Variants in TLE4 observed in about 807,000 individuals in gnomAD.
TLE4 encodes the protein transducin-like enhancer protein 4.
A neutral mutation model predicts 92.8 loss-of-function variants in TLE4; 8 were observed. The observed-to-expected ratio is 0.09, with a 90% CI of 0.05 to 0.16. The LOEUF (loss-of-function observed/expected upper bound fraction) is 0.16. Ranked by LOEUF, TLE4 falls within the 10% of genes least tolerant of loss-of-function variation. TLE4 has a pLI of 1.00. For missense variants in TLE4, 675 were observed against 997.6 expected (o/e 0.68, Z 4.36); for synonymous variants, 371 against 374.1 (o/e 0.99, Z 0.10).
rs71364488 is a variant in TLE4, at chr9:79,720,377, G to GGT, written c.1838+131_1838+132dup. ...CCAAAGTGCTGTGTATATAGGTATGGGTGTGTGTGTGTGTGTGTGTGTGTG... is the reference window on the plus strand; with the variant it reads ...CCAAAGTGCTGTGTATATAGGTATGGGTGTGTGTGTGTGTGTGTGTGTGTGTG... On this transcript the variant is annotated intron_variant, in intron 16 of 19. Transcript: ENST00000376552. 2.7e-3 allele frequency: 849 copies of GGT among 316,166 alleles called. 3 individuals are homozygous for GGT. Among genetic ancestry groups the GGT allele is most frequent in the South Asian group, 5.0e-3 (81 of 16,360 alleles). The allele number at this position is 316,166 out of a possible 1,614,324, so 19.6% of individuals were successfully genotyped here.
At chr9:79,631,039 C>G (rs1288727567) in intron 6 of TLE4, among the ~76,000 whole-genome samples, 1 of 152,046 alleles carries the variant, frequency 6.6e-6, no homozygotes, top group Non-Finnish European at 1.5e-5. Flanking sequence ...CCCAATAAAC[C>G]CTTAGGAAAC....
intron 8 of TLE4, chr9:79,671,180 T>C (rs111954930): frequency 4.5e-6 from 2 of 448,448 alleles, no homozygotes; most frequent in Middle Eastern, 3.3e-4. Flanking sequence ...CAACCTTGGC[T>C]GAGAATGTGA....
intron 4 of TLE4, among the ~76,000 whole-genome samples, chr9:79,607,663 G>T (rs1204967705): frequency 6.6e-6 from 1 of 152,090 alleles, no homozygotes; most frequent in African/African-American, 2.4e-5. Flanking sequence ...TGTCAGGTTT[G>T]TCAAAGGTCA....
chr9:79,719,381 G>A (rs942628915), intron 15 of TLE4, among the ~76,000 whole-genome samples: 1 of 151,738 alleles, frequency 6.6e-6, no homozygotes, highest in Non-Finnish European at 1.5e-5. Flanking sequence ...TTTCCCTTGA[G>A]TTCCTTAGGA....
chr9:79,674,848 A>G (rs1040589836), intron 8 of TLE4, among the ~76,000 whole-genome samples: 3 of 152,134 alleles, frequency 2.0e-5, no homozygotes, highest in Admixed American at 1.3e-4. Flanking sequence ...CTCCTCTTCT[A>G]CCAGTTCAGA....
intron 8 of TLE4, among the ~76,000 whole-genome samples, chr9:79,660,128 T>C (rs1386937479): frequency 6.6e-6 from 1 of 152,186 alleles, no homozygotes; most frequent in African/African-American, 2.4e-5. Flanking sequence ...CTGAAACATT[T>C]AGAATATGAG....
chr9:79,720,569 C>T (rs1167809342), intron 16 of TLE4, among the ~76,000 whole-genome samples: 4 of 152,052 alleles, frequency 2.6e-5, no homozygotes, highest in African/African-American at 7.2e-5. Flanking sequence ...TTGACTTATA[C>T]TAAAGCATCG....
At chr9:79,686,543 G>T (rs1226624190) in intron 8 of TLE4, among the ~76,000 whole-genome samples, 2 of 152,100 alleles carry the variant, frequency 1.3e-5, no homozygotes, top group African/African-American at 2.4e-5. Flanking sequence ...GTCCTTATAA[G>T]GAGAGAGAGG....
intron 8 of TLE4, among the ~76,000 whole-genome samples, chr9:79,659,691 A>G (rs1289162300): frequency 6.6e-6 from 1 of 152,024 alleles, no homozygotes; most frequent in Non-Finnish European, 1.5e-5. Flanking sequence ...GCAGATTAAG[A>G]CTCTTCCCCT....
chr9:79,634,505 C>T (rs79196253), intron 6 of TLE4, among the ~76,000 whole-genome samples: 1,856 of 152,168 alleles, frequency 0.012, 17 homozygotes, highest in Middle Eastern at 0.024. Context: ...TTTAATGAGA[C>T]GTAATCTGCA....
intron 8 of TLE4, among the ~76,000 whole-genome samples, chr9:79,695,307 T>C (rs1449020061): frequency 6.6e-6 from 1 of 151,452 alleles, no homozygotes; most frequent in Admixed American, 6.6e-5. Flanking sequence ...ATTACTATTT[T>C]TGAAGGCTGC....
rs781051074 is a variant in TLE4 at position 79,652,678 on chromosome 9, C to A, written c.476C>A (p.Ala159Asp). Residue 159 changes from alanine to aspartate, a missense_variant, in exon 7 of 20, where the codon GCC becomes GAC. This residue lies in a region of TLE4 where 280 missense variants were observed against 287.3 expected (regional missense o/e 0.97). Transcript: ENST00000376552. ...TPHPSGLQPP[A>D]IPPIGSSAGL... ...CACCCTTCAGGGCTCCAGCCCCCTG[C>A]CATTCCACCCATCGGTAGCAGTGCC... 9 of 1,614,210 alleles carry A rather than the reference C, an allele frequency of 5.6e-6. No homozygotes were observed. Among genetic ancestry groups the A allele is most frequent in the Non-Finnish European group, 6.8e-6 (8 of 1,180,028 alleles).
At chr9:79,698,428 G>T (rs1359363550) in intron 8 of TLE4, among the ~76,000 whole-genome samples, 1 of 152,202 alleles carries the variant, frequency 6.6e-6, no homozygotes, top group Non-Finnish European at 1.5e-5. Flanking sequence ...AAATGTTACA[G>T]AAGGTGAAAC....
intron 14 of TLE4, among the ~76,000 whole-genome samples, chr9:79,714,735 G>A (rs2074126249): frequency 6.6e-6 from 1 of 152,154 alleles, no homozygotes; most frequent in Admixed American, 6.5e-5. Context: ...GCAAGACCAG[G>A]TGCATTACCT....
intron 8 of TLE4, among the ~76,000 whole-genome samples, chr9:79,664,182 A>G (rs931941969): frequency 7.2e-5 from 11 of 152,176 alleles, no homozygotes; most frequent in Non-Finnish European, 1.3e-4. Flanking sequence ...GTGAAGGGAG[A>G]TTTATCCCGG....
intron 4 of TLE4, among the ~76,000 whole-genome samples, chr9:79,591,393 T>C (rs1306206553): frequency 6.6e-6 from 1 of 152,046 alleles, no homozygotes; most frequent in East Asian, 1.9e-4. Context: ...GTTTCCAGCT[T>C]TATTGAGTGG....
chr9:79,665,192 AACTG>A (rs1424584326), intron 8 of TLE4, among the ~76,000 whole-genome samples: 2 of 152,194 alleles, frequency 1.3e-5, no homozygotes, highest in African/African-American at 4.8e-5. Context: ...TTTGTTAGAC[AACTG>A]ACTAAAAATT....
chr9:79,698,032 G>T lies in TLE4; in HGVS notation c.610-6751G>T, dbSNP rs192876511. On this transcript the variant is annotated intron_variant, in intron 8 of 19. Coordinates refer to ENST00000376552, the MANE Select transcript of TLE4 (RefSeq NM_007005.6). The stretch of plus-strand genomic sequence containing the variant: ...CGGTTGTTTCCACATTTGCCAAAAG[G>T]GAATAGCTGTCTATGGGGGCTTACT... Among the ~76,000 whole-genome samples the T allele has an allele frequency of 1.4e-4, 21 of 152,230 alleles. 2 individuals are homozygous for T. In the Middle Eastern group the frequency reaches 0.024, roughly 173 times the overall value.
intron 6 of TLE4, among the ~76,000 whole-genome samples, chr9:79,639,619 A>AT (rs2056735554): frequency 6.6e-6 from 1 of 152,048 alleles, no homozygotes; most frequent in Admixed American, 6.6e-5. Flanking sequence ...TAGGTGTACC[A>AT]TTTTTTATCT....
Sources: allele counts gnomAD v4.1 joint callset (sites outside exome capture counted in the v4.1 genomes callset), GRCh38; gene constraint gnomAD v4.1.1; regional missense constraint gnomAD v4.1.1; transcripts MANE v1.5; gene names NCBI Gene and HGNC (gene_info 2026-07-23, HGNC 2026-07-21).